GALNT1: variants seen among roughly 807,000 people sequenced by gnomAD.
GALNT1 encodes polypeptide N-acetylgalactosaminyltransferase 1, also known as GalNAc transferase 1.
In GALNT1, 17 loss-of-function variants were observed where a neutral mutation model predicts 65.7. The ratio of observed to expected loss-of-function variants is 0.26; its 90% CI spans 0.18 to 0.39. The LOEUF (loss-of-function observed/expected upper bound fraction) is 0.39, where lower values mean the gene tolerates loss of function less well. Ranked by LOEUF, GALNT1 falls within the 10% of genes least tolerant of loss-of-function variation. The pLI is 1.00. For missense variants in GALNT1, 460 were observed against 672.8 expected (o/e 0.68, Z 3.50); for synonymous variants, 210 against 219.7 (o/e 0.96, Z 0.39).
At chr18:35,604,387 G>GT (rs937255351) in intron 1 of GALNT1, among the ~76,000 whole-genome samples, 7 of 152,048 alleles carry the variant, frequency 4.6e-5, no homozygotes, top group African/African-American at 1.4e-4. Flanking sequence ...AAACATACAC[G>GT]TGCATGTGTC....
At position 35,696,290 on chromosome 18, in the gene GALNT1, A is replaced by T. The variant is rs184814207; in HGVS notation, c.1299+3970A>T. 8.0e-3 allele frequency among the ~76,000 whole-genome samples: 1,215 copies of T among 152,340 alleles called. 15 individuals carry two copies. Among genetic ancestry groups the T allele is most frequent in the African/African-American group, 0.027 (1,128 of 41,570 alleles). On this transcript the variant is annotated intron_variant, in intron 9 of 11. Coordinates refer to ENST00000269195, the MANE Select transcript of GALNT1 (RefSeq NM_020474.4). Reference sequence around the variant, plus strand: ...TGAGCCTTCCTTTGCTAGCAACAGTAATTTAGCCTTTCATAGATCTCTTCT... The same window carrying T: ...TGAGCCTTCCTTTGCTAGCAACAGTTATTTAGCCTTTCATAGATCTCTTCT...
intron 9 of GALNT1, among the ~76,000 whole-genome samples, chr18:35,692,822 T>C (rs2047990582): frequency 6.6e-6 from 1 of 152,166 alleles, no homozygotes; most frequent in Admixed American, 6.5e-5. Context: ...AATGATGATA[T>C]GTGTAGACAG....
At chr18:35,694,013 C>T (rs1296008268) in intron 9 of GALNT1, among the ~76,000 whole-genome samples, 1 of 152,036 alleles carries the variant, frequency 6.6e-6, no homozygotes, top group Non-Finnish European at 1.5e-5. Context: ...AAGGGAAAGA[C>T]GTGTTTCAGG....
chr18:35,648,050 G>C (rs946306896), intron 1 of GALNT1, among the ~76,000 whole-genome samples: 1 of 143,392 alleles, frequency 7.0e-6, no homozygotes, highest in Non-Finnish European at 1.5e-5. Context: ...AGAAGAAGAA[G>C]GAAGGGAGGA....
At chr18:35,635,260 CA>C (rs1302847790) in intron 1 of GALNT1, among the ~76,000 whole-genome samples, 3 of 152,176 alleles carry the variant, frequency 2.0e-5, no homozygotes, top group Non-Finnish European at 2.9e-5. Flanking sequence ...GCCAGAGAAG[CA>C]CACAAGTGTT....
intron 1 of GALNT1, among the ~76,000 whole-genome samples, chr18:35,603,920 T>G (rs192223432): frequency 4.6e-5 from 7 of 152,200 alleles, no homozygotes; most frequent in Admixed American, 4.6e-4. Flanking sequence ...GGGTTTTTCT[T>G]TATTTTTTTC....
chr18:35,598,708 C>T (rs2046537920), intron 1 of GALNT1, among the ~76,000 whole-genome samples: 1 of 152,126 alleles, frequency 6.6e-6, no homozygotes, highest in South Asian at 2.1e-4. Flanking sequence ...GTCTATATCT[C>T]TTCAATATAC....
chr18:35,622,740 G>A (rs555761055), intron 1 of GALNT1, among the ~76,000 whole-genome samples: 20 of 151,234 alleles, frequency 1.3e-4, no homozygotes, highest in African/African-American at 4.9e-4. Context: ...GTTGTACTGC[G>A]CTAGATAGGT....
At chr18:35,687,847 A>G (rs2047892281) in intron 6 of GALNT1, among the ~76,000 whole-genome samples, 1 of 152,058 alleles carries the variant, frequency 6.6e-6, no homozygotes, top group Admixed American at 6.6e-5. Flanking sequence ...CCGACCTGCT[A>G]CTTCTGTATT....
chr18:35,687,769 T>A (rs556762095), intron 6 of GALNT1, among the ~76,000 whole-genome samples: 1 of 152,158 alleles, frequency 6.6e-6, no homozygotes, highest in Non-Finnish European at 1.5e-5. Context: ...ATCTTCATGC[T>A]CTTTTTAGAA....
At chr18:35,698,066 T>C (rs1013702621) in intron 9 of GALNT1, among the ~76,000 whole-genome samples, 1 of 152,228 alleles carries the variant, frequency 6.6e-6, no homozygotes, top group East Asian at 1.9e-4. Flanking sequence ...TAGCATGTTG[T>C]GCAACTTTTC....
intron 4 of GALNT1, among the ~76,000 whole-genome samples, chr18:35,679,304 C>T (rs1438144286): frequency 6.6e-6 from 1 of 152,176 alleles, no homozygotes; most frequent in African/African-American, 2.4e-5. Context: ...AGATACTTAA[C>T]CTGAGATAAA....
intron 2 of GALNT1, among the ~76,000 whole-genome samples, chr18:35,658,795 C>T (rs141473591): frequency 0.014 from 2,067 of 151,678 alleles, 43 homozygotes; most frequent in African/African-American, 0.046. Flanking sequence ...CTGCAACCTC[C>T]GTCTCCTGGG....
intron 1 of GALNT1, among the ~76,000 whole-genome samples, chr18:35,634,953 A>G (rs537298014): frequency 6.6e-6 from 1 of 152,178 alleles, no homozygotes; most frequent in Non-Finnish European, 1.5e-5. Context: ...GATTATTATC[A>G]TTCAGCTTTT....
Position 35,711,287 on chromosome 18 carries a change from C to A in GALNT1, c.*1517C>A, listed in dbSNP as rs1396487590. The A allele has an allele frequency of 1.3e-5, 2 of 152,502 alleles. No individual in the cohort carries two copies. Among genetic ancestry groups the A allele is most frequent in the African/African-American group, 2.4e-5 (1 of 41,420 alleles). 9.4% of individuals were successfully genotyped at this position (152,502 alleles called of 1,614,324 possible). On this transcript the variant is annotated 3_prime_UTR_variant, in exon 12 of 12. Transcript: ENST00000269195. ...TTGTAAAATTATATTTAATGGAATT[C>A]TTTTCTTTGATTATCAAGGACTTTC...
chr18:35,662,873 G>C (rs1006778421), intron 2 of GALNT1, among the ~76,000 whole-genome samples: 12 of 152,078 alleles, frequency 7.9e-5, no homozygotes, highest in African/African-American at 2.9e-4. Flanking sequence ...CAGGCACATT[G>C]CTCTTTTTAT....
At chr18:35,691,259 TAAG>T in intron 8 of GALNT1, 67 bp downstream of exon 8, 1 of 1,407,152 alleles carries the variant, frequency 7.1e-7, no homozygotes, top group East Asian at 2.3e-5. Context: ...GGAGGAGAAG[TAAG>T]AAGGTTAGAA....
rs533174816 is a variant in GALNT1 at position 35,648,451 on chromosome 18, T to C, written c.-103-6109T>C. Among the ~76,000 whole-genome samples the C allele has an allele frequency of 1.4e-3, 215 of 152,348 alleles. 2 individuals are homozygous for C. Among genetic ancestry groups the C allele is most frequent in the African/African-American group, 4.8e-3 (200 of 41,586 alleles). On this transcript the variant is annotated intron_variant, in intron 1 of 11. Transcript: ENST00000269195. ...TTCGACTTAAGATGTTTTCAACTTA[T>C]GATGGGTTTATTGGTACATTACCCC...
At chr18:35,666,480 A>G (rs532127475) in intron 3 of GALNT1, among the ~76,000 whole-genome samples, 21 of 152,234 alleles carry the variant, frequency 1.4e-4, no homozygotes, top group African/African-American at 2.2e-4. Context: ...TGCCTGTATT[A>G]TAAACAACCT....
Sources: allele counts gnomAD v4.1 joint callset (sites outside exome capture counted in the v4.1 genomes callset), GRCh38; gene constraint gnomAD v4.1.1; transcripts MANE v1.5; gene names NCBI Gene and HGNC (gene_info 2026-07-23, HGNC 2026-07-21).